IGLL5: variants seen among roughly 807,000 people sequenced by gnomAD.
IGLL5 encodes the protein immunoglobulin lambda-like polypeptide 5.
In IGLL5, 30 loss-of-function variants were observed where a neutral mutation model predicts 20.9. The ratio of observed to expected loss-of-function variants is 1.44; its 90% CI spans 1.07 to 1.95. The LOEUF is 1.95. IGLL5 is among the 30% of genes most tolerant of loss of function. IGLL5 has a pLI of 0.00. For synonymous variants in IGLL5, 203 were observed against 117.3 expected (o/e 1.73, Z -4.72); for missense variants, 475 against 270.7 (o/e 1.75, Z -5.30).
In IGLL5 at chr22:22,894,654, G is replaced by A. The variant is rs2066679057; in HGVS notation, c.326-721G>A. ...TCCATGGCTACCAGGTGAAGTTTGG[G>A]GTCATCACAGGCTGCTGGGGTGGGC... On this transcript the variant is annotated intron_variant, in intron 2 of 2. Transcript: ENST00000526893. 1.3e-5 allele frequency among the ~76,000 whole-genome samples: 2 copies of A among 149,994 alleles called. 1 individual carries two copies. The highest frequency in any genetic ancestry group is 3.0e-5 in the Non-Finnish European group (2 of 67,460).
chr22:22,888,674 A>C (rs2067630478), intron 1 of IGLL5, among the ~76,000 whole-genome samples: 3 of 151,268 alleles, frequency 2.0e-5, no homozygotes, highest in Admixed American at 1.3e-4. Context: ...CAGTGAGGGC[A>C]GGGGCCACTC....
At chr22:22,888,657 T>G in intron 1 of IGLL5, among the ~76,000 whole-genome samples, 1 of 151,206 alleles carries the variant, frequency 6.6e-6, no homozygotes, top group Non-Finnish European at 1.5e-5. Context: ...CCCATGTGCC[T>G]CCTGCCCAGT....
At chr22:22,893,893 GC>G in intron 2 of IGLL5, 75 bp downstream of exon 2, 1 of 1,020,372 alleles carries the variant, frequency 9.8e-7, no homozygotes, top group Non-Finnish European at 1.6e-6. Flanking sequence ...TCTCTCTGGG[GC>G]TTCCTCCCCT....
At chr22:22,888,973 G>C (rs188800984) in intron 1 of IGLL5, among the ~76,000 whole-genome samples, 2 of 151,378 alleles carry the variant, frequency 1.3e-5, no homozygotes, top group African/African-American at 4.8e-5. Flanking sequence ...GGAGAGCACA[G>C]GATGAGGCTG....
At position 22,893,923 on chromosome 22, in the gene IGLL5, G is replaced by C. The variant is rs144868128; in HGVS notation, c.325+105G>C. On this transcript the variant is annotated intron_variant, in intron 2 of 2. Transcript: ENST00000526893. ...CTCCCCTCTGTCCTCCCAGCCTTAA[G>C]CACTGACCCTTACCTTTCTCCATGG... The C allele has an allele frequency of 1.3e-4, 110 of 828,250 alleles. 3 individuals carry two copies. Among genetic ancestry groups the C allele is most frequent in the Middle Eastern group, 2.2e-4 (1 of 4,456 alleles). 51.3% of individuals were successfully genotyped at this position (828,250 alleles called of 1,614,324 possible).
At chr22:22,894,175 G>A in intron 2 of IGLL5, among the ~76,000 whole-genome samples, 2 of 151,524 alleles carry the variant, frequency 1.3e-5, no homozygotes, top group East Asian at 2.0e-4. Flanking sequence ...GTCAAGGACA[G>A]AGGCTGCTGG....
At chr22:22,891,838 A>G (rs77217538) in intron 1 of IGLL5, among the ~76,000 whole-genome samples, 2,234 of 151,286 alleles carry the variant, frequency 0.015, 64 homozygotes, top group African/African-American at 0.052. Flanking sequence ...TAACTTTTCT[A>G]TGTTGCTCTT....
chr22:22,888,042 A>C lies in IGLL5; in HGVS notation c.-12A>C, dbSNP rs114990680. The C allele has an allele frequency of 2.7e-3, 4,160 of 1,548,286 alleles. 80 individuals carry two copies. In the South Asian group the frequency reaches 0.028, roughly 10 times the overall value. On this transcript the variant is annotated 5_prime_UTR_variant, in exon 1 of 3. Coordinates refer to ENST00000526893, the MANE Select transcript of IGLL5 (RefSeq NM_001178126.2). ...CAAGTCGGGCCAGAGGTGCCCCTGA[A>C]CCTGAAGGCCAATGAGACCCAAGAC... is the stretch of plus-strand genomic sequence containing the variant.
At position 22,888,704 on chromosome 22, in the gene IGLL5, G is replaced by A. The variant is rs555007055; in HGVS notation, c.206+445G>A. ...CCACTCCCTGGAGAAGGCAGCAAGG[G>A]CTTGGTTTGGTCTCCCCCAAGGCTG... On this transcript the variant is annotated intron_variant, in intron 1 of 2. Transcript: ENST00000526893. 5.3e-5 allele frequency among the ~76,000 whole-genome samples: 8 copies of A among 151,358 alleles called. No individual in the cohort carries two copies. In the East Asian group the frequency reaches 6.1e-4, roughly 12 times the overall value.
intron 1 of IGLL5, among the ~76,000 whole-genome samples, chr22:22,888,709 G>T (rs140947096): frequency 6.6e-6 from 1 of 151,164 alleles, no homozygotes; most frequent in Non-Finnish European, 1.5e-5. Flanking sequence ...CAAGGGCTTG[G>T]TTTGGTCTCC....
intron 2 of IGLL5, among the ~76,000 whole-genome samples, chr22:22,894,040 G>T (rs533712149): frequency 6.6e-6 from 1 of 150,584 alleles, no homozygotes; most frequent in African/African-American, 2.5e-5. Flanking sequence ...CGGGGCCTGA[G>T]CTGGGATTGG....
At chr22:22,888,582 A>C (rs1435454680) in intron 1 of IGLL5, among the ~76,000 whole-genome samples, 2 of 151,228 alleles carry the variant, frequency 1.3e-5, no homozygotes, top group East Asian at 2.0e-4. Context: ...CAGGACATCC[A>C]CAGGGGGTGG....
At chr22:22,893,940 T>A in intron 2 of IGLL5, 122 bp downstream of exon 2, 1 of 759,482 alleles carries the variant, frequency 1.3e-6, no homozygotes, top group Non-Finnish European at 2.3e-6. Flanking sequence ...CCCTTACCTT[T>A]CTCCATGGGG....
At chr22:22,890,099 T>A (rs931380034) in intron 1 of IGLL5, among the ~76,000 whole-genome samples, 1 of 150,878 alleles carries the variant, frequency 6.6e-6, no homozygotes. Flanking sequence ...CTCATGTGCA[T>A]TACTCTTTTT....
chr22:22,893,574 G>A (rs2067914905), intron 1 of IGLL5, 126 bp from the exon 2 acceptor site: 3 of 621,384 alleles, frequency 4.8e-6, no homozygotes, highest in Non-Finnish European at 8.6e-6. Flanking sequence ...CTCCAAGGCT[G>A]TGTGTGGCAC....
At chr22:22,894,506 TGGAG>T (rs2066662262) in intron 2 of IGLL5, among the ~76,000 whole-genome samples, 1 of 151,392 alleles carries the variant, frequency 6.6e-6, no homozygotes, top group Admixed American at 6.6e-5. Flanking sequence ...TGTCTGTCCC[TGGAG>T]CCCCGTCACC....
At chr22:22,894,889 A>G (rs532138715) in intron 2 of IGLL5, among the ~76,000 whole-genome samples, 1 of 151,354 alleles carries the variant, frequency 6.6e-6, no homozygotes, top group Non-Finnish European at 1.5e-5. Flanking sequence ...AGGAAGCTCC[A>G]GTTCAAAGCA....
In IGLL5 at chr22:22,895,752, G is replaced by A. The variant is rs2066754628; in HGVS notation, c.*58G>A. ...GGAGCTGCAGGATCCCAGGGGAGGG[G>A]TCTCTCTCCCCATCCCAAGTCATCC... On this transcript the variant is annotated 3_prime_UTR_variant, in exon 3 of 3. Transcript: ENST00000526893. 1 of 1,514,698 alleles carries A rather than the reference G, an allele frequency of 6.6e-7. No individual in the cohort carries two copies. The highest frequency in any genetic ancestry group is 1.4e-5 in the African/African-American group (1 of 72,858). 93.8% of individuals were successfully genotyped at this position (1,514,698 alleles called of 1,614,324 possible).
chr22:22,893,836 T>A lies in IGLL5; in HGVS notation c.325+18T>A. ...CGTCCTAGGTAAGTGGCTCTCAACC[T>A]TTCCCAGCCTGTCTCACCCTCTGCT... On this transcript the variant is annotated intron_variant, in intron 2 of 2. Transcript: ENST00000526893. 6.6e-7 allele frequency: 1 copy of A among 1,503,888 alleles called. No homozygotes were observed. 93.2% of individuals were successfully genotyped at this position (1,503,888 alleles called of 1,614,324 possible). A position where few individuals can be genotyped will look rare whatever the true frequency, so the allele number is the denominator to read the frequency against.
Sources: allele counts gnomAD v4.1 joint callset (sites outside exome capture counted in the v4.1 genomes callset), GRCh38; gene constraint gnomAD v4.1.1; transcripts MANE v1.5; gene names NCBI Gene and HGNC (gene_info 2026-07-23, HGNC 2026-07-21).